FAM13A: variants seen among roughly 807,000 people sequenced by gnomAD.
FAM13A encodes family with sequence similarity 13 member A.
Under a neutral mutation model 129.6 loss-of-function variants are expected in FAM13A, and 76 were observed. The ratio of observed to expected loss-of-function variants is 0.59; its 90% CI spans 0.49 to 0.71. The LOEUF (loss-of-function observed/expected upper bound fraction) is 0.71. Among genes scored for constraint, FAM13A ranks in the 30% least tolerant of loss-of-function variants. The pLI, the probability that FAM13A is intolerant of heterozygous loss-of-function variation, is 0.00. For synonymous variants in FAM13A, 443 were observed against 449.9 expected (o/e 0.98, Z 0.20); for missense variants, 1,108 against 1,249.3 (o/e 0.89, Z 1.70).
rs181197481 is a variant in FAM13A, at chr4:88,923,383, C to T, written c.759+14705G>A. On this transcript the variant is annotated intron_variant, in intron 5 of 23. Transcript: ENST00000264344. Reference sequence around the variant, plus strand: ...TCAAGTGGGCTTCATCCCTGGGATGCAAGGCTGGTTCAACAAACGCAAATC... The same window carrying T: ...TCAAGTGGGCTTCATCCCTGGGATGTAAGGCTGGTTCAACAAACGCAAATC... Among the ~76,000 whole-genome samples the T allele has an allele frequency of 8.5e-5, 13 of 152,304 alleles. No individual in the cohort carries two copies. In the East Asian group the frequency reaches 2.5e-3, roughly 29 times the overall value.
chr4:88,903,889 C>T (rs1183103524), intron 6 of FAM13A, among the ~76,000 whole-genome samples: 1 of 152,054 alleles, frequency 6.6e-6, no homozygotes, highest in Non-Finnish European at 1.5e-5. Context: ...TGACAAAGGT[C>T]TAACATCAAG....
intron 6 of FAM13A, among the ~76,000 whole-genome samples, chr4:88,859,505 T>G (rs1174395248): frequency 6.6e-6 from 1 of 152,126 alleles, no homozygotes; most frequent in Admixed American, 6.5e-5. Context: ...CCTGATGTTC[T>G]CAGTGAAACA....
intron 3 of FAM13A, among the ~76,000 whole-genome samples, chr4:89,012,923 A>G (rs780233852): frequency 6.6e-6 from 1 of 152,228 alleles, no homozygotes; most frequent in African/African-American, 2.4e-5. Context: ...AAAACAATTT[A>G]ATCTGTTATT....
At chr4:89,041,353 T>C (rs1018133780) in intron 1 of FAM13A, among the ~76,000 whole-genome samples, 2 of 152,132 alleles carry the variant, frequency 1.3e-5, no homozygotes, top group African/African-American at 4.8e-5. Flanking sequence ...CTCATAAATA[T>C]GTACAAACAT....
intron 12 of FAM13A, 38 bp downstream of exon 12, chr4:88,767,945 C>T (rs776033306): frequency 1.6e-6 from 2 of 1,246,052 alleles, no homozygotes; most frequent in Admixed American, 1.7e-5. Flanking sequence ...CCTTTTCCTG[C>T]CCTTGGAAAG....
chr4:88,958,484 T>C (rs1758118544), intron 4 of FAM13A, among the ~76,000 whole-genome samples: 1 of 152,126 alleles, frequency 6.6e-6, no homozygotes, highest in African/African-American at 2.4e-5. Flanking sequence ...ATAGCTTGAG[T>C]TGACACTTTA....
In FAM13A at chr4:88,922,028, C is replaced by T. The variant is rs572769812; in HGVS notation, c.760-15566G>A. Among the ~76,000 whole-genome samples, 1,136 of 151,974 alleles carry T rather than the reference C, an allele frequency of 7.5e-3. 11 individuals are homozygous for T. Among genetic ancestry groups the T allele is most frequent in the Non-Finnish European group, 0.012 (823 of 67,998 alleles). On this transcript the variant is annotated intron_variant, in intron 5 of 23. Coordinates refer to ENST00000264344, the MANE Select transcript of FAM13A (RefSeq NM_014883.4). ...ATCCTAAATATATATGCACCCAATA[C>T]AGGAGCACCCAGATTCATAAAGCAA...
intron 7 of FAM13A, among the ~76,000 whole-genome samples, chr4:88,805,753 C>A (rs998536488): frequency 1.3e-4 from 19 of 151,970 alleles, no homozygotes; most frequent in Non-Finnish European, 5.9e-5. Context: ...ACTGTAGCCA[C>A]AAACTCCCAG....
At chr4:88,753,216 G>C (rs1489950831) in intron 14 of FAM13A, among the ~76,000 whole-genome samples, 4 of 152,186 alleles carry the variant, frequency 2.6e-5, no homozygotes, top group African/African-American at 9.7e-5. Flanking sequence ...ACTTATAAGA[G>C]TGTGTGATAA....
rs935911789 is a variant in FAM13A at position 88,981,317 on chromosome 4, GACAA to G, written c.605+9652_605+9655del. 1.4e-4 allele frequency among the ~76,000 whole-genome samples: 22 copies of G among 152,200 alleles called. 1 individual carries two copies. Among genetic ancestry groups the G allele is most frequent in the African/African-American group, 5.3e-4 (22 of 41,536 alleles). On this transcript the variant is annotated intron_variant, in intron 4 of 23. Transcript: ENST00000264344. ...ATGCAAAGTGCCAAGAATACTAACA[GACAA>G]ACAAAAAACCCAGAACCAAAAGCCG...
chr4:88,839,206 C>T (rs528750076), intron 7 of FAM13A, among the ~76,000 whole-genome samples: 20 of 152,154 alleles, frequency 1.3e-4, no homozygotes, highest in African/African-American at 4.1e-4. Context: ...TATTGTCTTC[C>T]AATACTTTTG....
intron 7 of FAM13A, among the ~76,000 whole-genome samples, chr4:88,847,425 G>T (rs11942875): frequency 0.085 from 12,972 of 152,118 alleles, 935 homozygotes; most frequent in African/African-American, 0.2. Context: ...TATAAGAAAT[G>T]TATAAATACA....
chr4:88,787,497 GGT>G (rs1724200284), intron 10 of FAM13A, among the ~76,000 whole-genome samples: 1 of 152,100 alleles, frequency 6.6e-6, no homozygotes, highest in South Asian at 2.1e-4. Context: ...GAAGCCATAG[GGT>G]GTATTCAATC....
chr4:88,821,412 C>T (rs1731876389), intron 7 of FAM13A, among the ~76,000 whole-genome samples: 1 of 152,182 alleles, frequency 6.6e-6, no homozygotes, highest in African/African-American at 2.4e-5. Context: ...TTTATTCCTA[C>T]TAGGTTCATT....
intron 7 of FAM13A, among the ~76,000 whole-genome samples, chr4:88,849,611 T>A (rs1216818543): frequency 2.0e-5 from 3 of 152,228 alleles, no homozygotes; most frequent in Non-Finnish European, 4.4e-5. Flanking sequence ...ATATCTTTCA[T>A]TTATTAGAGC....
chr4:88,960,613 C>A (rs1758460268), intron 4 of FAM13A, among the ~76,000 whole-genome samples: 2 of 152,128 alleles, frequency 1.3e-5, no homozygotes, highest in African/African-American at 4.8e-5. Flanking sequence ...GCACTCTCAG[C>A]AAGAGGAGAG....
intron 4 of FAM13A, among the ~76,000 whole-genome samples, chr4:88,953,354 C>T (rs955142486): frequency 2.6e-5 from 4 of 152,070 alleles, no homozygotes; most frequent in South Asian, 4.1e-4. Flanking sequence ...ACTCGGGAGG[C>T]TGAGGGAGGA....
At chr4:88,877,731 T>C (rs1742802276) in intron 6 of FAM13A, among the ~76,000 whole-genome samples, 1 of 152,228 alleles carries the variant, frequency 6.6e-6, no homozygotes, top group Non-Finnish European at 1.5e-5. Flanking sequence ...ATATCTTTAG[T>C]AGCTCCCCAT....
intron 5 of FAM13A, among the ~76,000 whole-genome samples, chr4:88,931,460 C>T (rs1246578987): frequency 6.6e-6 from 1 of 152,154 alleles, no homozygotes; most frequent in African/African-American, 2.4e-5. Flanking sequence ...GGCTCTCAGT[C>T]AGTCCCTGGC....
Sources: gnomAD v4.1 joint callset for allele counts (sites outside exome capture counted in the v4.1 genomes callset) on GRCh38, gnomAD v4.1.1 for gene constraint, MANE v1.5 for transcripts, NCBI Gene and HGNC (gene_info 2026-07-23, HGNC 2026-07-21) for gene names.